SSH2: variants seen among roughly 807,000 people sequenced by gnomAD.
The protein encoded by SSH2 is protein phosphatase Slingshot homolog 2.
SSH2 carries 37 observed loss-of-function variants against 135.2 expected under a neutral mutation model. The ratio of observed to expected loss-of-function variants is 0.27; its 90% CI spans 0.21 to 0.36. The LOEUF (loss-of-function observed/expected upper bound fraction) is 0.36. Ranked by LOEUF, SSH2 falls within the 10% of genes least tolerant of loss-of-function variation. The probability of loss-of-function intolerance (pLI) is 1.00; values close to 1 mark genes in which losing one functional copy is unlikely to be tolerated. For synonymous variants in SSH2, 628 were observed against 646.2 expected, an observed-to-expected ratio of 0.97 and a Z score of 0.43; for missense variants, 1,408 against 1,765.3, an observed-to-expected ratio of 0.80 and a Z score of 3.63.
intron 3 of SSH2, among the ~76,000 whole-genome samples, chr17:29,782,363 C>T (rs1351701210): frequency 6.6e-6 from 1 of 152,186 alleles, no homozygotes; most frequent in Non-Finnish European, 1.5e-5. Flanking sequence ...AAGTAAAATA[C>T]ATAATCCCTG....
Position 29,907,818 on chromosome 17 carries a change from C to CT in SSH2, c.63+22119dup, listed in dbSNP as rs201612892. On this transcript the variant is annotated intron_variant, in intron 1 of 15. Coordinates refer to ENST00000540801, the MANE Select transcript of SSH2 (RefSeq NM_001282129.2). ...CAAAATGCATCAACCCTGACAAAAC[C>CT]TTTTTTTTTTTTTTTTTTGAGACAG... is the stretch of plus-strand genomic sequence containing the variant. Among the ~76,000 whole-genome samples, 650 of 131,988 alleles carry CT rather than the reference C, an allele frequency of 4.9e-3. 6 individuals carry two copies. Among genetic ancestry groups the CT allele is most frequent in the African/African-American group, 0.012 (465 of 37,340 alleles). The allele number at this position is 131,988 out of a possible 152,430, so 86.6% of individuals were successfully genotyped here.
chr17:29,907,818 CTTTTTT>C (rs201612892), intron 1 of SSH2, among the ~76,000 whole-genome samples: 1 of 132,010 alleles, frequency 7.6e-6, no homozygotes, highest in Non-Finnish European at 1.6e-5. Flanking sequence ...CTGACAAAAC[CTTTTTT>C]TTTTTTTTTT....
intron 9 of SSH2, 76 bp downstream of exon 9, chr17:29,671,859 A>G (rs2037507268): frequency 1.6e-6 from 2 of 1,236,244 alleles, no homozygotes; most frequent in Non-Finnish European, 1.1e-6. Flanking sequence ...AGAAAAGATT[A>G]GGGAGGAACA....
intron 3 of SSH2, among the ~76,000 whole-genome samples, chr17:29,781,033 G>A (rs1199277586): frequency 1.3e-5 from 2 of 151,592 alleles, no homozygotes; most frequent in Non-Finnish European, 2.9e-5. Context: ...GGATGGTCTT[G>A]ATCTCCTGAC....
At chr17:29,923,076 A>G (rs985438708) in intron 1 of SSH2, among the ~76,000 whole-genome samples, 1 of 152,008 alleles carries the variant, frequency 6.6e-6, no homozygotes, top group African/African-American at 2.4e-5. Flanking sequence ...ACACCCAGCT[A>G]ATTTTTTGTA....
intron 3 of SSH2, among the ~76,000 whole-genome samples, chr17:29,769,166 C>T (rs1278037812): frequency 1.3e-5 from 2 of 152,140 alleles, no homozygotes; most frequent in Non-Finnish European, 1.5e-5. Context: ...AATAATTTGC[C>T]TAAGCTTATA....
chr17:29,817,928 C>T (rs772007088), intron 2 of SSH2, among the ~76,000 whole-genome samples: 2 of 151,132 alleles, frequency 1.3e-5, no homozygotes, highest in African/African-American at 2.4e-5. Flanking sequence ...CAGCTAATTA[C>T]TATTATTATT....
chr17:29,799,345 G>A (rs989065880), intron 2 of SSH2, among the ~76,000 whole-genome samples: 1 of 152,164 alleles, frequency 6.6e-6, no homozygotes, highest in Non-Finnish European at 1.5e-5. Context: ...AACTTTACAA[G>A]ATAGTACCAA....
intron 11 of SSH2, among the ~76,000 whole-genome samples, chr17:29,660,843 G>A (rs939247076): frequency 3.3e-5 from 5 of 151,506 alleles, no homozygotes; most frequent in Admixed American, 2.6e-4. Flanking sequence ...GATCACCTGA[G>A]GTCAGGAGTT....
intron 2 of SSH2, among the ~76,000 whole-genome samples, chr17:29,811,434 A>G (rs2042439901): frequency 6.6e-6 from 1 of 152,130 alleles, no homozygotes; most frequent in Non-Finnish European, 1.5e-5. Flanking sequence ...TAAAAAATAA[A>G]TTTTTATATA....
At chr17:29,761,191 GAAGT>G (rs1377451775) in intron 3 of SSH2, 1 of 1,289,696 alleles carries the variant, frequency 7.8e-7, no homozygotes, top group Non-Finnish European at 1.0e-6. Context: ...CGTTGGCGGA[GAAGT>G]AAGGAATCAT....
intron 3 of SSH2, among the ~76,000 whole-genome samples, chr17:29,734,256 T>C (rs902985980): frequency 2.6e-5 from 4 of 152,168 alleles, no homozygotes; most frequent in Admixed American, 6.5e-5. Context: ...CTGAGTTTTC[T>C]GAAGGCTTTC....
intron 1 of SSH2, among the ~76,000 whole-genome samples, chr17:29,898,685 A>G (rs977817565): frequency 2.6e-5 from 4 of 152,066 alleles, no homozygotes; most frequent in Non-Finnish European, 4.4e-5. Flanking sequence ...ATTCACAGCC[A>G]AATTCTACCA....
chr17:29,837,946 C>T (rs546955371), intron 2 of SSH2, among the ~76,000 whole-genome samples: 4 of 152,346 alleles, frequency 2.6e-5, no homozygotes, highest in African/African-American at 9.6e-5. Flanking sequence ...TGGCTGCAAC[C>T]TGGGCACCCC....
At position 29,742,319 on chromosome 17, in the gene SSH2, C is replaced by CT. The variant is rs891136307; in HGVS notation, c.189-39258dup. ...AATCACTCACCCAGGGCAAGTTCTT[C>CT]TTTTTTTTTTTTTTTTTGAGACAGG... On this transcript the variant is annotated intron_variant, in intron 3 of 15. Coordinates refer to ENST00000540801, the MANE Select transcript of SSH2 (RefSeq NM_001282129.2). Among the ~76,000 whole-genome samples, 857 of 129,660 alleles carry CT rather than the reference C, an allele frequency of 6.6e-3. 6 individuals carry two copies. Among genetic ancestry groups the CT allele is most frequent in the African/African-American group, 0.015 (521 of 35,484 alleles). The allele number at this position is 129,660 out of a possible 152,430, so 85.1% of individuals were successfully genotyped here. A position where few individuals can be genotyped will look rare whatever the true frequency, so the allele number is the denominator to read the frequency against.
intron 2 of SSH2, among the ~76,000 whole-genome samples, chr17:29,805,569 C>T (rs746063234): frequency 3.2e-4 from 49 of 152,104 alleles, no homozygotes; most frequent in African/African-American, 1.0e-3. Flanking sequence ...TGAGACACGT[C>T]GGTAGCCAAG....
At chr17:29,696,212 T>C (rs2038731910) in intron 4 of SSH2, among the ~76,000 whole-genome samples, 1 of 133,950 alleles carries the variant, frequency 7.5e-6, no homozygotes, top group African/African-American at 2.7e-5. Context: ...CACACACATA[T>C]GTATATACGT....
intron 14 of SSH2, among the ~76,000 whole-genome samples, chr17:29,647,343 C>A (rs552248102): frequency 2.0e-5 from 3 of 150,764 alleles, no homozygotes; most frequent in Non-Finnish European, 2.9e-5. Flanking sequence ...CAGAGTGAGA[C>A]CCTGTCTCAA....
intron 3 of SSH2, chr17:29,761,055 T>G: frequency 1.6e-6 from 2 of 1,236,548 alleles, no homozygotes; most frequent in Non-Finnish European, 2.1e-6. Flanking sequence ...CGCCCTCGCT[T>G]GATTGTTTGC....
Sources: gnomAD v4.1 joint callset for allele counts (sites outside exome capture counted in the v4.1 genomes callset) on GRCh38, gnomAD v4.1.1 for gene constraint, MANE v1.5 for transcripts, NCBI Gene and HGNC (gene_info 2026-07-23, HGNC 2026-07-21) for gene names.